Variants in UST observed in about 807,000 individuals in gnomAD.
UST encodes chondroitin sulfate 2-O-sulfotransferase.
Under a neutral mutation model 45.6 loss-of-function variants are expected in UST, and 21 were observed. The observed-to-expected ratio is 0.46, with a 90% CI of 0.33 to 0.66. UST has a LOEUF of 0.66. UST is among the 30% of genes least tolerant of loss of function. The pLI, the probability that UST is intolerant of heterozygous loss-of-function variation, is 0.02. For synonymous variants in UST, 215 were observed against 200.6 expected, an observed-to-expected ratio of 1.07 and a Z score of -0.61; for missense variants, 463 against 512.4, an observed-to-expected ratio of 0.90 and a Z score of 0.93.
intron 3 of UST, among the ~76,000 whole-genome samples, chr6:148,953,185 A>G (rs1190653950): frequency 6.6e-6 from 1 of 152,180 alleles, no homozygotes; most frequent in Non-Finnish European, 1.5e-5. Context: ...CTGTTTCAAT[A>G]TTTTTGTATA....
intron 5 of UST, among the ~76,000 whole-genome samples, chr6:149,017,432 A>G (rs1775920184): frequency 1.3e-5 from 2 of 152,188 alleles, no homozygotes; most frequent in Admixed American, 1.3e-4. Context: ...AACACTTCAA[A>G]AAAGGAATAA....
chr6:148,827,717 C>A (rs1777599435), intron 1 of UST, among the ~76,000 whole-genome samples: 3 of 139,942 alleles, frequency 2.1e-5, no homozygotes, highest in Non-Finnish European at 1.5e-5. Flanking sequence ...TGAAATTATT[C>A]TAGTTTGTAA....
chr6:148,902,161 A>G (rs1313562193), intron 2 of UST, among the ~76,000 whole-genome samples: 1 of 152,136 alleles, frequency 6.6e-6, no homozygotes, highest in Non-Finnish European at 1.5e-5. Context: ...AGTTTCATGT[A>G]CCATTCCAGA....
intron 1 of UST, among the ~76,000 whole-genome samples, chr6:148,877,931 G>T (rs1366045625): frequency 2.5e-5 from 2 of 81,404 alleles, no homozygotes; most frequent in African/African-American, 1.0e-4. Flanking sequence ...GTGTATGAGT[G>T]GGGGGGTCGT....
chr6:148,832,096 C>G (rs769890185), intron 1 of UST, among the ~76,000 whole-genome samples: 25 of 152,152 alleles, frequency 1.6e-4, no homozygotes, highest in Non-Finnish European at 3.1e-4. Flanking sequence ...TGGATTCAAG[C>G]GATTCTGCCT....
chr6:148,906,665 A>G (rs528766923), intron 2 of UST, among the ~76,000 whole-genome samples: 5 of 140,624 alleles, frequency 3.6e-5, no homozygotes, highest in Admixed American at 3.0e-4. Flanking sequence ...GTGAACCTAC[A>G]TTCACTTGAA....
At chr6:149,022,915 CA>C (rs1475345929) in intron 7 of UST, among the ~76,000 whole-genome samples, 2 of 152,160 alleles carry the variant, frequency 1.3e-5, no homozygotes, top group Non-Finnish European at 2.9e-5. Flanking sequence ...GTCTTTTCAA[CA>C]ACAAGCCATT....
intron 3 of UST, among the ~76,000 whole-genome samples, chr6:148,952,954 A>C (rs1208602610): frequency 6.6e-6 from 1 of 152,200 alleles, no homozygotes; most frequent in East Asian, 1.9e-4. Context: ...GTATCATGAC[A>C]TGTTCCAGAA....
At chr6:148,824,940 T>C in intron 1 of UST, among the ~76,000 whole-genome samples, 1 of 148,868 alleles carries the variant, frequency 6.7e-6, no homozygotes, top group East Asian at 2.0e-4. Flanking sequence ...TTTGGTTTTT[T>C]GTTCTTGCGA....
intron 7 of UST, among the ~76,000 whole-genome samples, chr6:149,053,748 C>T (rs535909427): frequency 5.4e-4 from 82 of 152,300 alleles, no homozygotes; most frequent in South Asian, 3.3e-3. Context: ...ACTAATTTAT[C>T]GAAGCACCGG....
intron 2 of UST, among the ~76,000 whole-genome samples, chr6:148,922,819 GTCTC>G (rs1157959657): frequency 6.6e-6 from 1 of 151,324 alleles, no homozygotes; most frequent in South Asian, 2.1e-4. Context: ...TTGAGATGGA[GTCTC>G]TCTCTGTCAC....
At chr6:148,979,784 T>G (rs1781093861) in intron 5 of UST, among the ~76,000 whole-genome samples, 1 of 152,224 alleles carries the variant, frequency 6.6e-6, no homozygotes, top group African/African-American at 2.4e-5. Flanking sequence ...TCTTTTATTT[T>G]TGGAAACTAA....
chr6:148,954,141 C>T (rs1780431925), intron 4 of UST, among the ~76,000 whole-genome samples, 190 bp downstream of exon 4: 2 of 152,166 alleles, frequency 1.3e-5, no homozygotes, highest in South Asian at 2.1e-4. Flanking sequence ...AGACTACTGT[C>T]TTAAATCTTA....
intron 1 of UST, among the ~76,000 whole-genome samples, chr6:148,853,548 C>T (rs893566116): frequency 1.3e-5 from 2 of 152,180 alleles, no homozygotes; most frequent in African/African-American, 4.8e-5. Flanking sequence ...CCGTCTTCCA[C>T]AATGGTTGAA....
At chr6:148,999,841 T>C (rs1201564984) in intron 5 of UST, among the ~76,000 whole-genome samples, 1 of 152,224 alleles carries the variant, frequency 6.6e-6, no homozygotes, top group East Asian at 1.9e-4. Context: ...GAATAGCCCA[T>C]ACAGGGCTCC....
chr6:149,063,787 G>A (rs1362333884), intron 7 of UST, among the ~76,000 whole-genome samples: 1 of 152,148 alleles, frequency 6.6e-6, no homozygotes, highest in Non-Finnish European at 1.5e-5. Context: ...GCTGAGCTGT[G>A]GAAATACAAA....
At chr6:148,755,092 T>C (rs1776069853) in intron 1 of UST, among the ~76,000 whole-genome samples, 1 of 152,268 alleles carries the variant, frequency 6.6e-6, no homozygotes, top group South Asian at 2.1e-4. Context: ...ACAATGGTTA[T>C]ATTTTGTCTT....
At chr6:148,926,448 G>C (rs73778964) in intron 2 of UST, among the ~76,000 whole-genome samples, 1 of 152,190 alleles carries the variant, frequency 6.6e-6, no homozygotes, top group Admixed American at 6.5e-5. Context: ...AGCAGTCCAG[G>C]TCTGGTGTGG....
At chr6:148,915,320 A>T (rs1413328659) in intron 2 of UST, among the ~76,000 whole-genome samples, 1 of 152,184 alleles carries the variant, frequency 6.6e-6, no homozygotes, top group Non-Finnish European at 1.5e-5. Flanking sequence ...GTCATCCAGG[A>T]ACCATATTTT....
Sources: allele counts gnomAD v4.1 joint callset (sites outside exome capture counted in the v4.1 genomes callset), GRCh38; gene constraint gnomAD v4.1.1; transcripts MANE v1.5; gene names NCBI Gene and HGNC (gene_info 2026-07-23, HGNC 2026-07-21).